The following DIAPH1 variants were observed in gnomAD, a reference collection of about 807,000 sequenced individuals.
DIAPH1 encodes diaphanous related formin 1.
Under a neutral mutation model 140.7 loss-of-function variants are expected in DIAPH1, and 46 were observed. The ratio of observed to expected loss-of-function variants is 0.33; its 90% CI spans 0.26 to 0.42. The LOEUF is 0.42. Ranked by LOEUF, DIAPH1 falls within the 10% of genes least tolerant of loss-of-function variation. The pLI, the probability that DIAPH1 is intolerant of heterozygous loss-of-function variation, is 1.00. For synonymous variants in DIAPH1, 565 were observed against 551.6 expected, an observed-to-expected ratio of 1.02 and a Z score of -0.34; for missense variants, 1,310 against 1,558.7, an observed-to-expected ratio of 0.84 and a Z score of 2.69.
chr5:141,547,279 C>T lies in DIAPH1; in HGVS notation c.2483-12846G>A, dbSNP rs2099890950. On this transcript the variant is annotated intron_variant, in intron 18 of 27. Transcript: ENST00000389054. ...AGGAGATCAAGACCATCCTGGTTAA[C>T]ACGGTGAAACCCCATCTCTACTTAA... 2.6e-5 allele frequency among the ~76,000 whole-genome samples: 4 copies of T among 152,254 alleles called. No individual in the cohort carries two copies. In the South Asian group the frequency reaches 8.3e-4, roughly 32 times the overall value.
chr5:141,543,733 G>A (rs1192005182), intron 18 of DIAPH1, among the ~76,000 whole-genome samples: 1 of 152,082 alleles, frequency 6.6e-6, no homozygotes, highest in Non-Finnish European at 1.5e-5. Flanking sequence ...CAATATTTTC[G>A]ACTCACAATG....
At chr5:141,524,088 G>T in intron 27 of DIAPH1, 55 bp downstream of exon 27, 1 of 1,467,734 alleles carries the variant, frequency 6.8e-7, no homozygotes, top group Non-Finnish European at 9.6e-7. Context: ...ACTGGCAGGA[G>T]TAGAGAGCCC....
chr5:141,547,970 C>A (rs1305412787), intron 18 of DIAPH1, among the ~76,000 whole-genome samples: 1 of 152,056 alleles, frequency 6.6e-6, no homozygotes, highest in Non-Finnish European at 1.5e-5. Flanking sequence ...GGCTAATGTG[C>A]GTGGATTCCT....
At chr5:141,607,625 A>T (rs959458929) in intron 1 of DIAPH1, among the ~76,000 whole-genome samples, 8 of 152,218 alleles carry the variant, frequency 5.3e-5, no homozygotes, top group African/African-American at 1.9e-4. Context: ...GGAACCTTAA[A>T]GCCCTTACCA....
At chr5:141,553,737 T>C (rs1325655542) in intron 18 of DIAPH1, among the ~76,000 whole-genome samples, 1 of 151,302 alleles carries the variant, frequency 6.6e-6, no homozygotes, top group Non-Finnish European at 1.5e-5. Context: ...TTAAAAAAAT[T>C]AGAATAAGAA....
chr5:141,617,457 G>A (rs1279232994), intron 1 of DIAPH1, among the ~76,000 whole-genome samples: 1 of 152,092 alleles, frequency 6.6e-6, no homozygotes, highest in Admixed American at 6.5e-5. Context: ...TAACCCTCCA[G>A]GGTTAACATC....
chr5:141,596,205 C>T (rs761277652), intron 1 of DIAPH1, among the ~76,000 whole-genome samples: 1 of 151,994 alleles, frequency 6.6e-6, no homozygotes, highest in South Asian at 2.1e-4. Flanking sequence ...TGGTGGCACG[C>T]GTCTGTAGTG....
At position 141,530,866 on chromosome 5, in the gene DIAPH1, G is replaced by A. The variant is rs116402853; in HGVS notation, c.2582-1169C>T. 5.0e-3 allele frequency among the ~76,000 whole-genome samples: 755 copies of A among 152,206 alleles called. 4 individuals carry two copies. Among genetic ancestry groups the A allele is most frequent in the African/African-American group, 0.017 (695 of 41,538 alleles). On this transcript the variant is annotated intron_variant, in intron 19 of 27. Coordinates refer to ENST00000389054, the MANE Select transcript of DIAPH1 (RefSeq NM_005219.5). ...AGGAGGCATGTGTTCATATATTTAC[G>A]TCTAAGTATATATACTCCCATGTAC...
chr5:141,608,478 T>G (rs960980763), intron 1 of DIAPH1, among the ~76,000 whole-genome samples: 1 of 152,236 alleles, frequency 6.6e-6, no homozygotes, highest in African/African-American at 2.4e-5. Flanking sequence ...GCCTTAGAGC[T>G]TTTTCTATCC....
In DIAPH1 at chr5:141,571,409, G is replaced by A. The variant is rs2099895163; in HGVS notation, c.2482+19C>T. On this transcript the variant is annotated intron_variant, in intron 18 of 27. Transcript: ENST00000389054. Reference sequence around the variant, plus strand: ...TAATATTCAAGAGACCAAACTAAAAGGCTCTTTTGTATTCTTACCTTTGGA... The same window carrying A: ...TAATATTCAAGAGACCAAACTAAAAAGCTCTTTTGTATTCTTACCTTTGGA... 1 of 1,598,908 alleles carries A rather than the reference G, an allele frequency of 6.3e-7. No homozygotes were observed. The highest frequency in any genetic ancestry group is 1.1e-5 in the South Asian group (1 of 89,064).
chr5:141,578,456 T>C lies in DIAPH1; in HGVS notation c.1044+59A>G, dbSNP rs539007878. The stretch of plus-strand genomic sequence containing the variant: ...AAACCAGAATTATCCCCGGGATTAT[T>C]GGGGCTGTAGAGCAAGAAGGAACCA... On this transcript the variant is annotated intron_variant, in intron 10 of 27. Transcript: ENST00000389054. The C allele has an allele frequency of 4.1e-5, 63 of 1,537,946 alleles. No individual in the cohort carries two copies. In the African/African-American group the frequency reaches 7.9e-4, roughly 19 times the overall value.
rs1464904848 is a variant in DIAPH1 at position 141,565,056 on chromosome 5, A to T, written c.2482+6372T>A. 6.6e-6 allele frequency: 1 copy of T among 152,250 alleles called. No homozygotes were observed. Among genetic ancestry groups the T allele is most frequent in the Non-Finnish European group, 1.5e-5 (1 of 68,044 alleles). 9.4% of individuals were successfully genotyped at this position (152,250 alleles called of 1,614,324 possible). On this transcript the variant is annotated intron_variant, in intron 18 of 27. Transcript: ENST00000389054. This position sits in a 1 kb window ranked among gnomAD's most constrained non-coding sequence, Gnocchi z 4.3. The stretch of plus-strand genomic sequence containing the variant: ...GAAATACAAGTTTGCAAAGACAATT[A>T]AAAATGGATGTTTCCTTCAGCATTG...
At chr5:141,525,631 G>A (rs1325832338) in intron 26 of DIAPH1, among the ~76,000 whole-genome samples, 1 of 152,072 alleles carries the variant, frequency 6.6e-6, no homozygotes. Flanking sequence ...GAAATAAGCA[G>A]AAAGGGAAGA....
Position 141,516,639 on chromosome 5 carries a change from C to G in DIAPH1, c.*212G>C. ...CAGCCAGGGCTGGCTAAGTCGGGCT[C>G]AGGCCTCCCCTGCACTGCCCTTTCC... On this transcript the variant is annotated 3_prime_UTR_variant, in exon 28 of 28. Transcript: ENST00000389054. The G allele has an allele frequency of 1.6e-6, 1 of 617,516 alleles. No individual in the cohort carries two copies. Among genetic ancestry groups the G allele is most frequent in the Middle Eastern group, 4.4e-4 (1 of 2,266 alleles). The allele number at this position is 617,516 out of a possible 1,614,324, so 38.3% of individuals were successfully genotyped here.
intron 18 of DIAPH1, among the ~76,000 whole-genome samples, chr5:141,543,925 GA>G (rs2099890399): frequency 6.6e-6 from 1 of 152,100 alleles, no homozygotes; most frequent in Non-Finnish European, 1.5e-5. Flanking sequence ...GAACTAAATG[GA>G]AAACCTAAAA....
intron 19 of DIAPH1, among the ~76,000 whole-genome samples, chr5:141,532,229 T>C (rs2099888338): frequency 6.6e-6 from 1 of 152,068 alleles, no homozygotes; most frequent in African/African-American, 2.4e-5. Context: ...TGCAGTGCAG[T>C]GGTGCAATCA....
intron 18 of DIAPH1, among the ~76,000 whole-genome samples, chr5:141,560,225 C>A (rs1485091282): frequency 2.0e-5 from 3 of 152,004 alleles, no homozygotes; most frequent in Non-Finnish European, 4.4e-5. Flanking sequence ...CATTTTTTCC[C>A]CTGAAATTTA....
rs2099897521 is a variant in DIAPH1 at position 141,586,189 on chromosome 5, A to G, written c.300+853T>C. Among the ~76,000 whole-genome samples, 3 of 152,302 alleles carry G rather than the reference A, an allele frequency of 2.0e-5. No individual in the cohort carries two copies. In the South Asian group the frequency reaches 6.2e-4, roughly 32 times the overall value. On this transcript the variant is annotated intron_variant, in intron 3 of 27. Coordinates refer to ENST00000389054, the MANE Select transcript of DIAPH1 (RefSeq NM_005219.5). ...GGCCCAAGAGACATTTAAACTTGCA[A>G]TCCAAGGCCAAGAGATTATCTTGAC... is the stretch of plus-strand genomic sequence containing the variant.
rs374299911 is a variant in DIAPH1, at chr5:141,574,066, A to G, written c.1784T>C (p.Ile595Thr). ...APPLPGDSGT[I>T]IPPPPAPGDS... ...CCCAGGAGCAGGTGGTGGTGGAATA[A>G]TAGTGCCAGAGTCACCAGGTAAAGG... The change falls in exon 16 of 28, where the codon ATT becomes ACT. Residue 595 changes from isoleucine to threonine, a missense_variant. This residue lies in a region of DIAPH1 where 589 missense variants were observed against 549.3 expected (regional missense o/e 1.07). Transcript: ENST00000389054. 4.8e-5 allele frequency: 78 copies of G among 1,609,180 alleles called. No individual in the cohort carries two copies. The African/African-American group carries it at 9.9e-4, about 20-fold the overall frequency.
Sources: gnomAD v4.1 joint callset for allele counts (sites outside exome capture counted in the v4.1 genomes callset) on GRCh38, gnomAD v4.1.1 for gene constraint, gnomAD v4.1.1 regional missense constraint, Gnocchi (gnomAD v3.1) non-coding constraint, MANE v1.5 for transcripts, NCBI Gene and HGNC (gene_info 2026-07-23, HGNC 2026-07-21) for gene names.